IQSEC1: variants seen among roughly 807,000 people sequenced by gnomAD.
IQSEC1 encodes the protein IQ motif and SEC7 domain-containing protein 1.
In IQSEC1, 31 loss-of-function variants were observed where a neutral mutation model predicts 91.0. The observed-to-expected ratio is 0.34, with a 90% CI of 0.26 to 0.46. The LOEUF (loss-of-function observed/expected upper bound fraction) is 0.46, where lower values mean the gene tolerates loss of function less well. IQSEC1 is among the 20% of genes least tolerant of loss of function. IQSEC1 has a pLI of 1.00. For synonymous variants in IQSEC1, 699 were observed against 662.6 expected (o/e 1.05, Z -0.84); for missense variants, 1,388 against 1,575.6 (o/e 0.88, Z 2.02).
At chr3:13,178,551 C>T (rs1330978583) in intron 1 of IQSEC1, among the ~76,000 whole-genome samples, 1 of 152,224 alleles carries the variant, frequency 6.6e-6, no homozygotes, top group South Asian at 2.1e-4. Flanking sequence ...TGGGTTGCAC[C>T]CTTCTCAGCT....
intron 1 of IQSEC1, among the ~76,000 whole-genome samples, chr3:13,255,542 G>C (rs774242513): frequency 6.6e-6 from 1 of 152,108 alleles, no homozygotes; most frequent in Non-Finnish European, 1.5e-5. Context: ...AATACAAAGG[G>C]GCAGACAGCA....
chr3:12,987,424 G>A (rs540094422), intron 1 of IQSEC1, among the ~76,000 whole-genome samples: 1 of 152,364 alleles, frequency 6.6e-6, no homozygotes, highest in East Asian at 1.9e-4. Flanking sequence ...CCGTGCATGT[G>A]CACACATGTG....
At position 12,941,804 on chromosome 3, in the gene IQSEC1, G is replaced by T; in HGVS notation, c.85C>A (p.Pro29Thr). Residue 29 changes from proline to threonine, a missense_variant, in exon 2 of 14, where the codon CCC becomes ACC. Around this residue, in one of 2 missense-constraint regions of IQSEC1, gnomAD observed 1,059 missense variants for 1,317.8 expected, o/e 0.80. Transcript: ENST00000613206. ...GAACCGGGCACCAAGGGGCCCTGGG[G>T]GTAGGCTGAGGGGCTGTCCAGGGAT... ...GTSLDSPSAY[P>T]QGPLVPGSSL... 6.2e-7 allele frequency: 1 copy of T among 1,610,562 alleles called. No homozygotes were observed. The highest frequency in any genetic ancestry group is 8.5e-7 in the Non-Finnish European group (1 of 1,179,400).
chr3:13,207,066 C>T lies in IQSEC1; in HGVS notation c.273-42933G>A, dbSNP rs951618527. Among the ~76,000 whole-genome samples, 2 of 152,132 alleles carry T rather than the reference C, an allele frequency of 1.3e-5. No individual in the cohort carries two copies. The highest frequency in any genetic ancestry group is 2.1e-4 in the South Asian group (1 of 4,828). ...ATTAGCCAGGACAGCATCTGAGCTT[C>T]GTAGACCTGGGCAGGGCTGTTGGGA... is the stretch of plus-strand genomic sequence containing the variant. On this transcript the variant is annotated intron_variant, in intron 1 of 15. Coordinates refer to the IQSEC1 transcript ENST00000648114. The surrounding 1 kb of genome is among the most constrained non-coding windows in gnomAD (Gnocchi z 4.8).
chr3:13,206,150 T>C (rs2710395), intron 1 of IQSEC1, among the ~76,000 whole-genome samples: 129 of 68,528 alleles, frequency 1.9e-3, no homozygotes, highest in Admixed American at 6.5e-3. Flanking sequence ...TCCATCCACC[T>C]ATCCATCCCT....
chr3:13,041,555 C>A (rs567802714), intron 1 of IQSEC1, among the ~76,000 whole-genome samples: 3 of 152,136 alleles, frequency 2.0e-5, no homozygotes, highest in African/African-American at 7.2e-5. Context: ...AATAACACGC[C>A]GTTCAAGGTG....
rs556246500 is a variant in IQSEC1 at position 13,132,446 on chromosome 3, G to C, written c.302+31658C>G. 1.1e-4 allele frequency among the ~76,000 whole-genome samples: 16 copies of C among 152,316 alleles called. No individual in the cohort carries two copies. The South Asian group carries it at 3.3e-3, about 32-fold the overall frequency. ...ACGCTCACGAGCTGGGCAGTACTCA[G>C]CTGAATACTCAGAGGCAGTGTGCAG... On this transcript the variant is annotated intron_variant, in intron 2 of 15. Transcript: ENST00000648114.
At chr3:13,131,049 G>GAAGGAAGGA (rs1706607620) in intron 2 of IQSEC1, among the ~76,000 whole-genome samples, 1 of 150,642 alleles carries the variant, frequency 6.6e-6, no homozygotes, top group Non-Finnish European at 1.5e-5. Context: ...AGGAAGGAAG[G>GAAGGAAGGA]AAGGAAGGAA....
At chr3:13,049,277 T>C (rs1704604708) in intron 1 of IQSEC1, among the ~76,000 whole-genome samples, 1 of 152,110 alleles carries the variant, frequency 6.6e-6, no homozygotes, top group Non-Finnish European at 1.5e-5. Context: ...TACTGCAAAA[T>C]GGTGCCAGGT....
chr3:12,988,275 C>T (rs1449842274), intron 1 of IQSEC1, among the ~76,000 whole-genome samples: 11 of 152,002 alleles, frequency 7.2e-5, no homozygotes, highest in Non-Finnish European at 1.2e-4. Flanking sequence ...ATTAGCCAGG[C>T]GTGGTGGTAG....
chr3:12,947,416 C>G (rs1417787679), intron 1 of IQSEC1, among the ~76,000 whole-genome samples: 1 of 152,050 alleles, frequency 6.6e-6, no homozygotes, highest in African/African-American at 2.4e-5. Context: ...ACACCGAGGT[C>G]TCAGCTTAAC....
intron 1 of IQSEC1, chr3:13,022,396 C>A: frequency 9.0e-7 from 1 of 1,111,980 alleles, no homozygotes; most frequent in Non-Finnish European, 1.1e-6. Context: ...ACACTAGACC[C>A]TGTGGCTTCT....
intron 1 of IQSEC1, 128 bp downstream of exon 1, chr3:13,072,864 A>G: frequency 1.2e-6 from 1 of 807,790 alleles, no homozygotes; most frequent in Non-Finnish European, 2.1e-6. Flanking sequence ...CTGGGTGGCC[A>G]GCTCCCTCTG....
chr3:12,959,810 C>T (rs909427209), intron 1 of IQSEC1, among the ~76,000 whole-genome samples: 1 of 152,202 alleles, frequency 6.6e-6, no homozygotes, highest in East Asian at 1.9e-4. Flanking sequence ...TACTTTTGTA[C>T]GTTGCACATT....
At chr3:13,098,108 C>A (rs942585715) in intron 2 of IQSEC1, among the ~76,000 whole-genome samples, 4 of 152,252 alleles carry the variant, frequency 2.6e-5, no homozygotes, top group African/African-American at 7.2e-5. Context: ...GACCCTAGGT[C>A]AGGTCTTCAG....
rs1434697194 is a variant in IQSEC1, at chr3:13,214,307, C to T, written c.273-50174G>A. On this transcript the variant is annotated intron_variant, in intron 1 of 15. Coordinates refer to the IQSEC1 transcript ENST00000648114. The surrounding 1 kb of genome is among the most constrained non-coding windows in gnomAD (Gnocchi z 4.5). ...TAACATCAGCCTTCTGCAGAGGACC[C>T]GGAACACCACATCTGCTGCTCCCAA... is the stretch of plus-strand genomic sequence containing the variant. Among the ~76,000 whole-genome samples the T allele has an allele frequency of 2.6e-5, 4 of 152,210 alleles. No homozygotes were observed. The highest frequency in any genetic ancestry group is 6.5e-5 in the Admixed American group (1 of 15,280).
chr3:13,121,904 C>A (rs147846644), intron 2 of IQSEC1, among the ~76,000 whole-genome samples: 9 of 152,328 alleles, frequency 5.9e-5, no homozygotes, highest in African/African-American at 1.9e-4. Flanking sequence ...GGCTCGGGGA[C>A]GGCCACGGCA....
At chr3:13,123,906 C>G (rs751336307) in intron 2 of IQSEC1, among the ~76,000 whole-genome samples, 3 of 152,204 alleles carry the variant, frequency 2.0e-5, no homozygotes, top group African/African-American at 7.2e-5. Flanking sequence ...CCATGGCTCT[C>G]GAGCCAAATC....
chr3:13,278,814 C>T (rs529439884), intron 1 of IQSEC1, among the ~76,000 whole-genome samples: 21 of 139,936 alleles, frequency 1.5e-4, no homozygotes, highest in African/African-American at 4.6e-4. Context: ...AGCAAGACTC[C>T]GTCTTGGTGA....
Sources: allele counts gnomAD v4.1 joint callset (sites outside exome capture counted in the v4.1 genomes callset), GRCh38; gene constraint gnomAD v4.1.1; regional missense constraint gnomAD v4.1.1; non-coding constraint Gnocchi (gnomAD v3.1); transcripts MANE v1.5; gene names NCBI Gene and HGNC (gene_info 2026-07-23, HGNC 2026-07-21).